HIVEP1: variants seen among roughly 807,000 people sequenced by gnomAD.
HIVEP1 encodes the protein HIVEP zinc finger 1, also known as zinc finger protein 40.
A neutral mutation model predicts 180.0 loss-of-function variants in HIVEP1; 36 were observed. The observed-to-expected ratio is 0.20, with a 90% CI of 0.15 to 0.26. HIVEP1 has a LOEUF of 0.26. Among genes scored for constraint, HIVEP1 ranks in the 10% least tolerant of loss-of-function variants. The probability of loss-of-function intolerance (pLI) is 1.00; values close to 1 mark genes in which losing one functional copy is unlikely to be tolerated. For synonymous variants in HIVEP1, 1,239 were observed against 1,239.0 expected (o/e 1.00, Z 0.00); for missense variants, 3,143 against 3,268.7 (o/e 0.96, Z 0.94).
rs144533956 is a variant in HIVEP1, at chr6:12,094,374, A to G, written c.94+5137A>G. 2.4e-4 allele frequency among the ~76,000 whole-genome samples: 36 copies of G among 152,034 alleles called. No homozygotes were observed. In the East Asian group the frequency reaches 6.8e-3, roughly 29 times the overall value. ...CTCAGTTGGCTCCAGTAAAATTGGT[A>G]TCTTAGACTTGCTCCTGATTTTAAA... On this transcript the variant is annotated intron_variant, in intron 3 of 8. Transcript: ENST00000379388.
At position 12,121,384 on chromosome 6, in the gene HIVEP1, A is replaced by C; in HGVS notation, c.1589A>C (p.Lys530Thr). The C allele has an allele frequency of 6.2e-7, 1 of 1,614,116 alleles. No homozygotes were observed. The highest frequency in any genetic ancestry group is 1.1e-5 in the South Asian group (1 of 91,074). The change falls in exon 4 of 9, where the codon AAA (lysine) becomes ACA (threonine). Residue 530 changes from lysine (K) to threonine (T), a missense_variant. Around this residue, in one of 12 missense-constraint regions of HIVEP1, gnomAD observed 365 missense variants for 344.4 expected, o/e 1.06. Coordinates refer to ENST00000379388, the MANE Select transcript of HIVEP1 (RefSeq NM_002114.4). This position sits in a 1 kb window ranked among gnomAD's most constrained non-coding sequence, Gnocchi z 5.3. ...ATGTCAAATGCTGAAACTTTACTAA[A>C]ATCAAGCTTCACTCCAAGCAGTCCA... ...KRMSNAETLL[K>T]SSFTPSSPEN... is the part of the protein sequence containing the mutation.
chr6:12,130,146 C>G (rs954485612), intron 5 of HIVEP1, among the ~76,000 whole-genome samples: 1 of 152,110 alleles, frequency 6.6e-6, no homozygotes, highest in African/African-American at 2.4e-5. Flanking sequence ...TAGAGTGAAC[C>G]TTGGTTTTCA....
At chr6:12,037,835 C>A in intron 2 of HIVEP1, 1 of 417,018 alleles carries the variant, frequency 2.4e-6, no homozygotes, top group South Asian at 8.0e-5. Context: ...TTTAGCGTCC[C>A]GAATAGCTTG....
At chr6:12,014,414 T>G (rs532396107) in intron 1 of HIVEP1, among the ~76,000 whole-genome samples, 1 of 152,168 alleles carries the variant, frequency 6.6e-6, no homozygotes, top group Non-Finnish European at 1.5e-5. Context: ...GATAGCTACC[T>G]TCTTAGTTAA....
chr6:12,205,883 C>T, the HIVEP1 span, among the ~76,000 whole-genome samples: 1 of 152,148 alleles, frequency 6.6e-6, no homozygotes, highest in Admixed American at 6.5e-5. Context: ...TAGCATACAG[C>T]GTGGCACCTG....
At position 12,123,216 on chromosome 6, in the gene HIVEP1, T is replaced by A; in HGVS notation, c.3421T>A (p.Ser1141Thr). ...AATCTCTGTCATCCAGCACACCAAC[T>A]CCCTGAGCAGGCCCAACTCATTTGA... ...TGISVIQHTN[S>T]LSRPNSFDKP... Residue 1141 changes from serine (S) to threonine (T), a missense_variant, in exon 4 of 9, where the codon TCC (serine) becomes ACC (threonine). Physicochemically the swap from Ser to Thr is moderately conservative, Grantham distance 58. Transcript: ENST00000379388. The A allele has an allele frequency of 6.2e-7, 1 of 1,614,036 alleles. No individual in the cohort carries two copies.
chr6:12,034,534 A>ACT (rs1769154438), intron 2 of HIVEP1, among the ~76,000 whole-genome samples: 1 of 152,234 alleles, frequency 6.6e-6, no homozygotes, highest in Non-Finnish European at 1.5e-5. Flanking sequence ...AGGAGAGTTA[A>ACT]GACAAGCCCA....
At chr6:12,154,689 T>C in intron 7 of HIVEP1, among the ~76,000 whole-genome samples, 1 of 151,954 alleles carries the variant, frequency 6.6e-6, no homozygotes, top group East Asian at 1.9e-4. Flanking sequence ...ACCTAATGCA[T>C]ACGGGGCTTG....
chr6:12,048,046 G>GGAT (rs1397933965), intron 2 of HIVEP1, among the ~76,000 whole-genome samples: 19 of 152,334 alleles, frequency 1.2e-4, no homozygotes, highest in African/African-American at 4.6e-4. Context: ...TTTGCAGGTA[G>GGAT]GATGCATCTG....
chr6:12,134,577 T>C (rs1449870491), intron 6 of HIVEP1, among the ~76,000 whole-genome samples: 1 of 152,252 alleles, frequency 6.6e-6, no homozygotes, highest in South Asian at 2.1e-4. Context: ...TTCTAAAGAC[T>C]TATTCTCAAA....
chr6:12,210,882 TA>T, the HIVEP1 span, among the ~76,000 whole-genome samples: 1 of 71,592 alleles, frequency 1.4e-5, no homozygotes, highest in Admixed American at 1.8e-4. Flanking sequence ...TCTGTGGTGT[TA>T]AAAAAAATCA....
chr6:12,046,330 A>T (rs1252626500), intron 2 of HIVEP1, among the ~76,000 whole-genome samples: 3 of 152,230 alleles, frequency 2.0e-5, no homozygotes, highest in Non-Finnish European at 4.4e-5. Context: ...GGACCTGTTC[A>T]ACTCTCATTA....
Position 12,085,031 on chromosome 6 carries a change from G to C in HIVEP1, c.41-4153G>C, listed in dbSNP as rs79336511. 2.2e-3 allele frequency among the ~76,000 whole-genome samples: 329 copies of C among 152,270 alleles called. 1 individual carries two copies. Among genetic ancestry groups the C allele is most frequent in the Non-Finnish European group, 2.5e-3 (171 of 68,008 alleles). ...ACCACGCAGTGCCAGTTTTCAGTTT[G>C]TGTGTAGGTGCTTTTTTCTCTTTTT... On this transcript the variant is annotated intron_variant, in intron 2 of 8. Transcript: ENST00000379388.
rs777036722 is a variant in HIVEP1, at chr6:12,089,212, T to A, written c.69T>A (p.Leu23=). 6.4e-7 allele frequency: 1 copy of A among 1,564,358 alleles called. No individual in the cohort carries two copies. The highest frequency in any genetic ancestry group is 8.8e-7 in the Non-Finnish European group (1 of 1,141,180). The change falls in exon 3 of 9, where the codon CTT becomes CTA. Residue 23 remains leucine (L), a synonymous_variant. Transcript: ENST00000379388. ...RDKIEEAQKE[L]NGAEVSKKEI... ...AAATTGAAGAAGCACAAAAAGAACT[T>A]AATGGGGCAGAAGTTTCAAAAAAAG... is the stretch of plus-strand genomic sequence containing the variant.
chr6:12,148,400 C>T (rs1323499785), intron 7 of HIVEP1, among the ~76,000 whole-genome samples: 1 of 152,204 alleles, frequency 6.6e-6, no homozygotes, highest in Non-Finnish European at 1.5e-5. Context: ...CTATGTAAAG[C>T]CTCTGCCATT....
At chr6:12,037,137 A>G (rs1244177554) in intron 2 of HIVEP1, among the ~76,000 whole-genome samples, 1 of 152,100 alleles carries the variant, frequency 6.6e-6, no homozygotes, top group Admixed American at 6.5e-5. Flanking sequence ...GATGGAGGGG[A>G]CGGAGTGGGT....
the HIVEP1 span, among the ~76,000 whole-genome samples, chr6:12,189,113 T>C: frequency 6.6e-6 from 1 of 151,894 alleles, no homozygotes; most frequent in Admixed American, 6.6e-5. Flanking sequence ...CGGTGGAGTG[T>C]TTTAACAGCC....
chr6:12,112,573 C>G (rs570981489), intron 3 of HIVEP1, among the ~76,000 whole-genome samples: 1 of 152,176 alleles, frequency 6.6e-6, no homozygotes, highest in South Asian at 2.1e-4. Context: ...CCTGCCGGTT[C>G]CTTGTGCTTA....
chr6:12,208,062 A>G, the HIVEP1 span, among the ~76,000 whole-genome samples: 1 of 152,146 alleles, frequency 6.6e-6, no homozygotes, highest in Non-Finnish European at 1.5e-5. Context: ...TAGACAGTTT[A>G]CTTCTTAAAA....
Sources: allele counts gnomAD v4.1 joint callset (sites outside exome capture counted in the v4.1 genomes callset), GRCh38; gene constraint gnomAD v4.1.1; regional missense constraint gnomAD v4.1.1; non-coding constraint Gnocchi (gnomAD v3.1); transcripts MANE v1.5; gene names NCBI Gene and HGNC (gene_info 2026-07-23, HGNC 2026-07-21).